Variants in FHOD1 observed in about 807,000 individuals in gnomAD.
FHOD1 encodes the protein FH1/FH2 domain-containing protein 1.
In FHOD1, 89 loss-of-function variants were observed where a neutral mutation model predicts 111.6. The observed-to-expected ratio is 0.80, with a 90% CI of 0.67 to 0.95. The LOEUF (loss-of-function observed/expected upper bound fraction) is 0.95. Ranked by LOEUF, FHOD1 falls within the 40% of genes least tolerant of loss-of-function variation. The probability of loss-of-function intolerance (pLI) is 0.00; values close to 1 mark genes in which losing one functional copy is unlikely to be tolerated. For synonymous variants in FHOD1, 618 were observed against 639.0 expected (o/e 0.97, Z 0.50); for missense variants, 1,446 against 1,554.2 (o/e 0.93, Z 1.17).
At position 67,232,256 on chromosome 16, in the gene FHOD1, G is replaced by A. The variant is rs2034308082; in HGVS notation, c.2047-62C>T. 29 of 1,566,488 alleles carry A rather than the reference G, an allele frequency of 1.9e-5. No individual in the cohort carries two copies. The South Asian group carries it at 2.5e-4, about 13-fold the overall frequency. ...AAGGGGGCCTGACGCGGTGGCTCAC[G>A]CCTGTAATCCCAGCACTTTGGGAGG... is the stretch of plus-strand genomic sequence containing the variant. On this transcript the variant is annotated intron_variant, in intron 13 of 21. Coordinates refer to ENST00000258201, the MANE Select transcript of FHOD1 (RefSeq NM_013241.3).
At position 67,237,850 on chromosome 16, in the gene FHOD1, G is replaced by T; in HGVS notation, c.643-82C>A. The T allele has an allele frequency of 2.1e-6, 3 of 1,421,196 alleles. No homozygotes were observed. The highest frequency in any genetic ancestry group is 1.2e-5 in the South Asian group (1 of 86,002). 88.0% of individuals were successfully genotyped at this position (1,421,196 alleles called of 1,614,324 possible). A position where few individuals can be genotyped will look rare whatever the true frequency, so the allele number is the denominator to read the frequency against. On this transcript the variant is annotated intron_variant, in intron 6 of 21. Transcript: ENST00000258201. The surrounding 1 kb of genome is among the most constrained non-coding windows in gnomAD (Gnocchi z 5.6). ...TTGCTGGGGAAGGGGAAGGGCTGCTGGGGCTGGACCCAGAGAGAATCTAGG... is the reference window on the plus strand; with the variant it reads ...TTGCTGGGGAAGGGGAAGGGCTGCTTGGGCTGGACCCAGAGAGAATCTAGG...
chr16:67,237,158 T>G lies in FHOD1; in HGVS notation c.994-44A>C. ...GATGTAAGAAAGTGGTTAACGTGTA[T>G]GCAGGTGGGGTGGGGCGCTGGGGAC... On this transcript the variant is annotated intron_variant, in intron 9 of 21. Transcript: ENST00000258201. The surrounding 1 kb of genome is among the most constrained non-coding windows in gnomAD (Gnocchi z 5.6). The G allele has an allele frequency of 6.2e-7, 1 of 1,602,698 alleles. No individual in the cohort carries two copies. The highest frequency in any genetic ancestry group is 8.5e-7 in the Non-Finnish European group (1 of 1,172,840).
At chr16:67,235,876 C>T (rs558217402) in intron 11 of FHOD1, 4 of 198,812 alleles carry the variant, frequency 2.0e-5, no homozygotes, top group East Asian at 1.9e-4. Flanking sequence ...TTTGGGTTAC[C>T]GAGGAGGCAT....
At chr16:67,246,925 G>C (rs1170051279) in intron 1 of FHOD1, 5 of 454,400 alleles carry the variant, frequency 1.1e-5, no homozygotes, top group Non-Finnish European at 1.9e-5. Context: ...AAGCCACCCT[G>C]GCAGACCGAC....
At position 67,237,054 on chromosome 16, in the gene FHOD1, C is replaced by T; in HGVS notation, c.1054G>A (p.Glu352Lys). ...TCCTCAGAAGAAGGCTTTCGTCGTTCCCGCCGCCCACCAGCGCCTGGGGCT... is the reference window on the plus strand; with the variant it reads ...TCCTCAGAAGAAGGCTTTCGTCGTTTCCGCCGCCCACCAGCGCCTGGGGCT... ...EEAPGAGGRR[E>K]RRKPSSEEGK... The change falls in exon 10 of 22, where the codon GAA becomes AAA. Residue 352 changes from glutamate (E) to lysine (K), a missense_variant. Coordinates refer to ENST00000258201, the MANE Select transcript of FHOD1 (RefSeq NM_013241.3). This position sits in a 1 kb window ranked among gnomAD's most constrained non-coding sequence, Gnocchi z 5.6. The T allele has an allele frequency of 2.5e-6, 4 of 1,613,288 alleles. No individual in the cohort carries two copies. Among genetic ancestry groups the T allele is most frequent in the Non-Finnish European group, 3.4e-6 (4 of 1,179,818 alleles).
intron 11 of FHOD1, among the ~76,000 whole-genome samples, chr16:67,235,267 C>CGCTTGTA (rs1222249886): frequency 3.3e-5 from 5 of 152,136 alleles, no homozygotes; most frequent in African/African-American, 1.2e-4. Context: ...CGGTGGCTCA[C>CGCTTGTA]GCTTGTAATC....
In FHOD1 at chr16:67,231,570, C is replaced by T. The variant is rs772768944; in HGVS notation, c.2386-21G>A. 6.2e-7 allele frequency: 1 copy of T among 1,614,154 alleles called. No homozygotes were observed. The highest frequency in any genetic ancestry group is 1.7e-5 in the Admixed American group (1 of 60,020). ...ATTTCCTGGTATGGGAGACCAGGGA[C>T]TCTCAGACTACATGGTCATGATGCT... On this transcript the variant is annotated intron_variant, in intron 15 of 21. Coordinates refer to ENST00000258201, the MANE Select transcript of FHOD1 (RefSeq NM_013241.3). The surrounding 1 kb of genome is among the most constrained non-coding windows in gnomAD (Gnocchi z 4.3).
rs2034552416 is a variant in FHOD1 at position 67,237,968 on chromosome 16, C to T, written c.642+66G>A. The T allele has an allele frequency of 1.9e-6, 3 of 1,547,992 alleles. No homozygotes were observed. Among genetic ancestry groups the T allele is most frequent in the Non-Finnish European group, 2.7e-6 (3 of 1,123,946 alleles). Reference sequence around the variant, plus strand: ...CTCCCTTCCAGCTCACTTTGCAGAACAGGAAACTGAGGCCCAGAGAGAAGC... The same window carrying T: ...CTCCCTTCCAGCTCACTTTGCAGAATAGGAAACTGAGGCCCAGAGAGAAGC... On this transcript the variant is annotated intron_variant, in intron 6 of 21. Coordinates refer to ENST00000258201, the MANE Select transcript of FHOD1 (RefSeq NM_013241.3). The surrounding 1 kb of genome is among the most constrained non-coding windows in gnomAD (Gnocchi z 5.6).
rs2034225453 is a variant in FHOD1, at chr16:67,230,628, C to G, written c.2831G>C (p.Arg944Thr). 3 of 1,614,084 alleles carry G rather than the reference C, an allele frequency of 1.9e-6. No homozygotes were observed. The highest frequency in any genetic ancestry group is 2.5e-6 in the Non-Finnish European group (3 of 1,179,948). Reference protein sequence around the residue: ...DQCARRVAMLRIVHRRVCNRF... With the variant: ...DQCARRVAMLTIVHRRVCNRF... ...ATTGCAGACACGGCGGTGCACTATC[C>G]TTAGCATGGCAACACGGCGGGCACA... The change falls in exon 18 of 22, where the codon AGG becomes ACG. Residue 944 changes from arginine (R) to threonine (T), a missense_variant. By Grantham distance (71) the Arg-to-Thr change is moderately conservative. Coordinates refer to ENST00000258201, the MANE Select transcript of FHOD1 (RefSeq NM_013241.3).
rs2034159432 is a variant in FHOD1 at position 67,229,497 on chromosome 16, C to T, written c.*139G>A. On this transcript the variant is annotated 3_prime_UTR_variant, in exon 22 of 22. Coordinates refer to ENST00000258201, the MANE Select transcript of FHOD1 (RefSeq NM_013241.3). ...ACATACACACACACTCACATGCATACACACACGGCTAATACTGCTCAAGGC... is the reference window on the plus strand; with the variant it reads ...ACATACACACACACTCACATGCATATACACACGGCTAATACTGCTCAAGGC... 2 of 740,226 alleles carry T rather than the reference C, an allele frequency of 2.7e-6. No homozygotes were observed. 45.9% of individuals were successfully genotyped at this position (740,226 alleles called of 1,614,324 possible).
In FHOD1 at chr16:67,243,382, C is replaced by CT. The variant is rs200485758; in HGVS notation, c.201+3827dup. On this transcript the variant is annotated intron_variant, in intron 1 of 21. Coordinates refer to ENST00000258201, the MANE Select transcript of FHOD1 (RefSeq NM_013241.3). ...CCGGACTGCCTCTTTTTTTTCTTTT[C>CT]TTTTTTTTTTTAATAGAAATAGGGT... Among the ~76,000 whole-genome samples, 276 of 144,842 alleles carry CT rather than the reference C, an allele frequency of 1.9e-3. 1 individual carries two copies. The East Asian group carries it at 0.032, about 17-fold the overall frequency.
chr16:67,230,345 C>G lies in FHOD1; in HGVS notation c.3020G>C (p.Arg1007Pro). 6.2e-7 allele frequency: 1 copy of G among 1,614,238 alleles called. No homozygotes were observed. The highest frequency in any genetic ancestry group is 8.5e-7 in the Non-Finnish European group (1 of 1,180,036). The change falls in exon 19 of 22, where the codon CGC (arginine) becomes CCC (proline). Residue 1007 changes from arginine to proline, a missense_variant. Physicochemically the swap from Arg to Pro is moderately radical, Grantham distance 103. This residue lies in a region of FHOD1 where 1,085 missense variants were observed against 1,108.8 expected (regional missense o/e 0.98). Transcript: ENST00000258201. Reference protein sequence around the residue: ...QQQKQATYRERNKTRGRMITE... With the variant: ...QQQKQATYREPNKTRGRMITE... ...GATCATGCGTCCCCGGGTCTTGTTG[C>G]GCTCACGGTATGTGGCCTGCTTCTG...
chr16:67,236,914 G>T, intron 10 of FHOD1, 52 bp downstream of exon 10: 1 of 1,530,060 alleles, frequency 6.5e-7, no homozygotes, highest in South Asian at 1.3e-5. Context: ...TCAGCTCACT[G>T]GGCCATGCCT....
rs758470004 is a variant in FHOD1, at chr16:67,231,734, G to A, written c.2288C>T (p.Pro763Leu). The stretch of plus-strand genomic sequence containing the variant: ...AAGAGTCATCAGGAAGTTCTCGGCT[G>A]GGCCCAGGGGTATGTCAGGGTTGGC... ...QLANPDIPLG[P>L]AENFLMTLAS... The change falls in exon 15 of 22, where the codon CCA (proline) becomes CTA (leucine). Residue 763 changes from proline to leucine, a missense_variant. Coordinates refer to ENST00000258201, the MANE Select transcript of FHOD1 (RefSeq NM_013241.3). This position sits in a 1 kb window ranked among gnomAD's most constrained non-coding sequence, Gnocchi z 4.3. The A allele has an allele frequency of 2.5e-6, 4 of 1,614,100 alleles. No homozygotes were observed. The highest frequency in any genetic ancestry group is 1.7e-5 in the Admixed American group (1 of 60,026).
rs1351516779 is a variant in FHOD1, at chr16:67,237,659, G to C, written c.752C>G (p.Thr251Ser). The change falls in exon 7 of 22, where the codon ACC (threonine) becomes AGC (serine). Residue 251 changes from threonine (T) to serine (S), a missense_variant and splice_region_variant. Coordinates refer to ENST00000258201, the MANE Select transcript of FHOD1 (RefSeq NM_013241.3). The surrounding 1 kb of genome is among the most constrained non-coding windows in gnomAD (Gnocchi z 5.6). Reference protein sequence around the residue: ...IRAVNSVASTTGAPPWANLVS... With the variant: ...IRAVNSVASTSGAPPWANLVS... ...GGGAGAAAGGGACAGTCTCTGACCG[G>C]TGGTGCTGGCCACAGAGTTCACTGC... The C allele has an allele frequency of 6.2e-7, 1 of 1,614,106 alleles. No individual in the cohort carries two copies. The highest frequency in any genetic ancestry group is 1.7e-5 in the Admixed American group (1 of 60,010).
chr16:67,230,866 G>A, intron 17 of FHOD1, 75 bp from the exon 18 acceptor site: 1 of 1,451,612 alleles, frequency 6.9e-7, no homozygotes, highest in Non-Finnish European at 9.2e-7. Context: ...CTGCTTCTGG[G>A]CCAGAGTGGC....
Position 67,230,587 on chromosome 16 carries a change from G to T in FHOD1, c.2858+14C>A. The stretch of plus-strand genomic sequence containing the variant: ...GTGGTGGCCGTCCTGCCTCTCTTGG[G>T]TCCATGCCCCTACCTATTGCAGACA... On this transcript the variant is annotated intron_variant, in intron 18 of 21. Coordinates refer to ENST00000258201, the MANE Select transcript of FHOD1 (RefSeq NM_013241.3). 1 of 1,614,048 alleles carries T rather than the reference G, an allele frequency of 6.2e-7. No homozygotes were observed. Among genetic ancestry groups the T allele is most frequent in the South Asian group, 1.1e-5 (1 of 91,078 alleles).
At position 67,231,130 on chromosome 16, in the gene FHOD1, C is replaced by G. The variant is rs1045428565; in HGVS notation, c.2667+58G>C. The G allele has an allele frequency of 3.1e-6, 5 of 1,592,100 alleles. No homozygotes were observed. The highest frequency in any genetic ancestry group is 4.3e-6 in the Non-Finnish European group (5 of 1,166,244). On this transcript the variant is annotated intron_variant, in intron 17 of 21. Coordinates refer to ENST00000258201, the MANE Select transcript of FHOD1 (RefSeq NM_013241.3). This position sits in a 1 kb window ranked among gnomAD's most constrained non-coding sequence, Gnocchi z 4.3. ...GGGGAGAAGGGGGAGGAGCCAGGCC[C>G]AGGAAGCAGCGCTCCTCATGCCTTG...
At position 67,229,996 on chromosome 16, in the gene FHOD1, G is replaced by A. The variant is rs752991729; in HGVS notation, c.3215-6C>T. Reference sequence around the variant, plus strand: ...GGAGCTGCTCTGGACCATGCCTGAGGAAGGCCAGATAGCAAAGTCAGGCCA... The same window carrying A: ...GGAGCTGCTCTGGACCATGCCTGAGAAAGGCCAGATAGCAAAGTCAGGCCA... On this transcript the variant is annotated splice_region_variant and splice_polypyrimidine_tract_variant and intron_variant, in intron 20 of 21. Coordinates refer to ENST00000258201, the MANE Select transcript of FHOD1 (RefSeq NM_013241.3). 18 of 1,613,458 alleles carry A rather than the reference G, an allele frequency of 1.1e-5. No homozygotes were observed. The East Asian group carries it at 2.0e-4, about 18-fold the overall frequency.
Sources: allele counts gnomAD v4.1 joint callset (sites outside exome capture counted in the v4.1 genomes callset), GRCh38; gene constraint gnomAD v4.1.1; regional missense constraint gnomAD v4.1.1; non-coding constraint Gnocchi (gnomAD v3.1); transcripts MANE v1.5; gene names NCBI Gene and HGNC (gene_info 2026-07-23, HGNC 2026-07-21).